The following EBF2 variants were observed in gnomAD, a reference collection of about 807,000 sequenced individuals.
EBF2 encodes the protein EBF transcription factor 2, also known as transcription factor COE2.
A neutral mutation model predicts 72.8 loss-of-function variants in EBF2; 21 were observed. The observed-to-expected ratio is 0.29, with a 90% CI of 0.20 to 0.42. EBF2 has a LOEUF of 0.42. Among genes scored for constraint, EBF2 ranks in the 10% least tolerant of loss-of-function variants. The probability of loss-of-function intolerance (pLI) is 1.00; values close to 1 mark genes in which losing one functional copy is unlikely to be tolerated. For missense variants in EBF2, 637 were observed against 731.2 expected (o/e 0.87, Z 1.49); for synonymous variants, 299 against 274.2 (o/e 1.09, Z -0.89).
chr8:25,862,656 T>G, intron 11 of EBF2, 53 bp downstream of exon 11: 3 of 1,453,642 alleles, frequency 2.1e-6, no homozygotes, highest in Non-Finnish European at 2.8e-6. Context: ...TTGTCTAAGT[T>G]TCCTGAAATT....
intron 14 of EBF2, among the ~76,000 whole-genome samples, chr8:25,852,256 C>G (rs1801996370): frequency 6.6e-6 from 1 of 152,192 alleles, no homozygotes; most frequent in Admixed American, 6.5e-5. Context: ...GGGTCTTATT[C>G]ATGGTTCTGA....
At chr8:25,989,548 C>T (rs924134653) in intron 6 of EBF2, among the ~76,000 whole-genome samples, 7 of 152,180 alleles carry the variant, frequency 4.6e-5, no homozygotes, top group Non-Finnish European at 8.8e-5. Flanking sequence ...AGACTATAGA[C>T]ATTTTACATT....
At chr8:25,877,844 T>G (rs961308387) in intron 10 of EBF2, among the ~76,000 whole-genome samples, 10 of 152,100 alleles carry the variant, frequency 6.6e-5, no homozygotes, top group African/African-American at 2.4e-4. Context: ...CCAGAAAGCC[T>G]CTCCAACAGC....
chr8:25,932,955 C>A (rs1041084811), intron 6 of EBF2, among the ~76,000 whole-genome samples: 1 of 151,964 alleles, frequency 6.6e-6, no homozygotes, highest in Non-Finnish European at 1.5e-5. Context: ...TCCACTGTTG[C>A]AAAATTATTT....
intron 14 of EBF2, among the ~76,000 whole-genome samples, chr8:25,854,294 G>A (rs1037600175): frequency 1.3e-5 from 2 of 149,908 alleles, no homozygotes; most frequent in Admixed American, 1.3e-4. Flanking sequence ...GGAAACACTT[G>A]GTGATTGTAG....
intron 1 of EBF2, among the ~76,000 whole-genome samples, chr8:26,043,487 C>T (rs1432598741): frequency 6.6e-6 from 1 of 152,212 alleles, no homozygotes; most frequent in Non-Finnish European, 1.5e-5. Flanking sequence ...GCCTTATTTC[C>T]CTTAGCTCGC....
intron 6 of EBF2, among the ~76,000 whole-genome samples, chr8:25,938,111 G>C (rs574079401): frequency 6.6e-6 from 1 of 152,270 alleles, no homozygotes; most frequent in East Asian, 1.9e-4. Flanking sequence ...CTGGGGTGTC[G>C]TGGGATTTAC....
chr8:25,950,961 G>A (rs946888876), intron 6 of EBF2, among the ~76,000 whole-genome samples: 10 of 152,022 alleles, frequency 6.6e-5, no homozygotes, highest in Non-Finnish European at 1.2e-4. Context: ...TTCATGAGCT[G>A]ATACCCCAGC....
chr8:25,873,934 G>A (rs557036102), intron 10 of EBF2, among the ~76,000 whole-genome samples: 10 of 152,170 alleles, frequency 6.6e-5, no homozygotes, highest in Middle Eastern at 3.4e-3. Flanking sequence ...GGCTAACAAC[G>A]GAGACATCAT....
chr8:26,031,983 A>T (rs1454758350), intron 6 of EBF2: 1 of 152,202 alleles, frequency 6.6e-6, no homozygotes, highest in Non-Finnish European at 1.5e-5. Context: ...CACTATACAC[A>T]TCCAACAAAC....
At chr8:25,985,991 A>G (rs1486342400) in intron 6 of EBF2, among the ~76,000 whole-genome samples, 2 of 121,180 alleles carry the variant, frequency 1.7e-5, no homozygotes, top group Non-Finnish European at 1.8e-5. Context: ...GACAGAGTGA[A>G]ACTCTGTCTC....
At chr8:25,971,073 G>T (rs552880551) in intron 6 of EBF2, among the ~76,000 whole-genome samples, 2 of 152,260 alleles carry the variant, frequency 1.3e-5, no homozygotes, top group South Asian at 4.1e-4. Context: ...GGGCTCAAGA[G>T]ATCCTCCTGC....
At chr8:25,964,293 A>G (rs1804080677) in intron 6 of EBF2, among the ~76,000 whole-genome samples, 1 of 152,208 alleles carries the variant, frequency 6.6e-6, no homozygotes, top group Non-Finnish European at 1.5e-5. Flanking sequence ...AATTAAGATC[A>G]TATCTAAACT....
At chr8:25,852,330 TCC>T (rs1447472377) in intron 14 of EBF2, among the ~76,000 whole-genome samples, 1 of 147,594 alleles carries the variant, frequency 6.8e-6, no homozygotes, top group African/African-American at 2.5e-5. Context: ...AAGCAAAAAA[TCC>T]CCAACTTTTC....
chr8:25,855,270 A>T (rs185231329), intron 14 of EBF2, among the ~76,000 whole-genome samples: 276 of 152,218 alleles, frequency 1.8e-3, no homozygotes, highest in African/African-American at 6.5e-3. Context: ...TTTGGAGCTA[A>T]GGGGTCTGTC....
intron 6 of EBF2, among the ~76,000 whole-genome samples, chr8:26,021,737 G>A (rs185119651): frequency 2.0e-5 from 3 of 152,218 alleles, no homozygotes; most frequent in East Asian, 1.9e-4. Context: ...TATTTAAGTA[G>A]CATCCTAGTT....
At chr8:25,851,558 A>G (rs1801974799) in intron 14 of EBF2, among the ~76,000 whole-genome samples, 1 of 152,016 alleles carries the variant, frequency 6.6e-6, no homozygotes, top group Non-Finnish European at 1.5e-5. Context: ...GCAAGATGAT[A>G]ATTTTATCTT....
At chr8:25,859,566 C>T (rs546874213) in intron 13 of EBF2, among the ~76,000 whole-genome samples, 45 of 152,222 alleles carry the variant, frequency 3.0e-4, no homozygotes, top group Middle Eastern at 3.4e-3. Flanking sequence ...TCAGAAACAT[C>T]GTATCATATG....
At position 25,990,812 on chromosome 8, in the gene EBF2, A is replaced by G. The variant is rs73675783; in HGVS notation, c.551+42273T>C. 3.8e-3 allele frequency among the ~76,000 whole-genome samples: 573 copies of G among 152,358 alleles called. 2 individuals are homozygous for G. The highest frequency in any genetic ancestry group is 0.013 in the African/African-American group (553 of 41,586). The stretch of plus-strand genomic sequence containing the variant: ...TTATAATTATAAACACACGTCTTTC[A>G]GCTCTTCTGTGTATTCTTCCCAGGC... On this transcript the variant is annotated intron_variant, in intron 6 of 15. Coordinates refer to ENST00000520164, the MANE Select transcript of EBF2 (RefSeq NM_022659.4).
Sources: allele counts gnomAD v4.1 joint callset (sites outside exome capture counted in the v4.1 genomes callset), GRCh38; gene constraint gnomAD v4.1.1; transcripts MANE v1.5; gene names NCBI Gene and HGNC (gene_info 2026-07-23, HGNC 2026-07-21).